The following AKT3 variants were observed in gnomAD, a reference collection of about 807,000 sequenced individuals.
AKT3 encodes the protein AKT serine/threonine kinase 3, also known as RAC-gamma serine/threonine-protein kinase.
A neutral mutation model predicts 65.3 loss-of-function variants in AKT3; 15 were observed. The observed-to-expected ratio is 0.23, with a 90% CI of 0.15 to 0.35. The LOEUF (loss-of-function observed/expected upper bound fraction) is 0.35. Among genes scored for constraint, AKT3 ranks in the 10% least tolerant of loss-of-function variants. The probability of loss-of-function intolerance (pLI) is 1.00; values close to 1 mark genes in which losing one functional copy is unlikely to be tolerated. For missense variants in AKT3, 243 were observed against 576.5 expected (o/e 0.42, Z 5.92); for synonymous variants, 206 against 183.8 (o/e 1.12, Z -0.98).
chr1:243,580,857 C>T (rs766966675), intron 8 of AKT3, among the ~76,000 whole-genome samples: 1 of 152,162 alleles, frequency 6.6e-6, no homozygotes, highest in Non-Finnish European at 1.5e-5. Flanking sequence ...AGCCACCGCA[C>T]TCCTCCTGGA....
At chr1:243,567,487 CTT>C (rs993323556) in intron 9 of AKT3, among the ~76,000 whole-genome samples, 51 of 122,274 alleles carry the variant, frequency 4.2e-4, no homozygotes, top group East Asian at 1.9e-3. Context: ...TTGTTTCTTC[CTT>C]TTTTTTTTTT....
chr1:243,539,551 T>C lies in AKT3; in HGVS notation c.1251+5959A>G, dbSNP rs373746767. ...GGGTCAATGTATAGATTCTTTCAAG[T>C]GTATATAGAACATACAGCAACATAA... is the stretch of plus-strand genomic sequence containing the variant. On this transcript the variant is annotated intron_variant, in intron 12 of 13. Transcript: ENST00000673466. 2.1e-4 allele frequency among the ~76,000 whole-genome samples: 32 copies of C among 152,256 alleles called. No homozygotes were observed. The East Asian group carries it at 6.0e-3, about 28-fold the overall frequency.
At chr1:243,510,781 G>A (rs1222585245) in intron 13 of AKT3, among the ~76,000 whole-genome samples, 3 of 152,250 alleles carry the variant, frequency 2.0e-5, no homozygotes, top group Non-Finnish European at 4.4e-5. Context: ...AGAGTGCAAT[G>A]GGATGGCACC....
intron 2 of AKT3, among the ~76,000 whole-genome samples, chr1:243,776,866 A>G (rs1040315346): frequency 6.6e-6 from 1 of 152,208 alleles, no homozygotes; most frequent in African/African-American, 2.4e-5. Context: ...AGGAATTCGT[A>G]TATCTAATAA....
chr1:243,546,376 A>G (rs2148451249), intron 11 of AKT3, among the ~76,000 whole-genome samples: 1 of 151,440 alleles, frequency 6.6e-6, no homozygotes, highest in East Asian at 1.9e-4. Context: ...TTAATATAGT[A>G]TATATTACTA....
At chr1:243,589,604 C>G (rs1045605759) in intron 8 of AKT3, among the ~76,000 whole-genome samples, 4 of 152,042 alleles carry the variant, frequency 2.6e-5, no homozygotes, top group African/African-American at 9.7e-5. Context: ...TTGGTATAGC[C>G]ATTATGGAAA....
intron 6 of AKT3, among the ~76,000 whole-genome samples, chr1:243,620,662 T>G (rs1209765933): frequency 6.6e-6 from 1 of 152,182 alleles, no homozygotes; most frequent in African/African-American, 2.4e-5. Context: ...GCTGTCAGAC[T>G]GTCTTCTGTT....
chr1:243,489,137 C>T (rs762007090), intron 13 of AKT3: 4 of 1,612,236 alleles, frequency 2.5e-6, no homozygotes, highest in Non-Finnish European at 2.5e-6. Context: ...GGCTGCGGAC[C>T]CAGGTACTGT....
intron 2 of AKT3, among the ~76,000 whole-genome samples, chr1:243,761,871 C>CA (rs1402920623): frequency 6.6e-6 from 1 of 152,126 alleles, no homozygotes; most frequent in South Asian, 2.1e-4. Context: ...CTTACTGAAG[C>CA]AAAAAGGCAC....
chr1:243,672,985 A>G (rs529028175), intron 3 of AKT3, among the ~76,000 whole-genome samples: 2 of 152,358 alleles, frequency 1.3e-5, no homozygotes, highest in East Asian at 1.9e-4. Flanking sequence ...GGCATTTACT[A>G]AAAGAATTAT....
intron 3 of AKT3, among the ~76,000 whole-genome samples, chr1:243,670,951 G>T (rs1683116670): frequency 6.6e-6 from 1 of 151,988 alleles, no homozygotes; most frequent in Non-Finnish European, 1.5e-5. Flanking sequence ...AATTTTTAGA[G>T]ATCATCTGTT....
chr1:243,544,731 TCTCA>T (rs1335789872), intron 12 of AKT3, among the ~76,000 whole-genome samples: 4 of 148,004 alleles, frequency 2.7e-5, no homozygotes, highest in Non-Finnish European at 6.0e-5. Flanking sequence ...AGAGATTGGG[TCTCA>T]CTCTGTCATC....
chr1:243,760,993 A>G (rs1367082498), intron 2 of AKT3, among the ~76,000 whole-genome samples: 1 of 152,200 alleles, frequency 6.6e-6, no homozygotes, highest in African/African-American at 2.4e-5. Context: ...GTGACCAGAG[A>G]CTTGCAAGAA....
chr1:243,762,909 C>T (rs1277630263), intron 2 of AKT3, among the ~76,000 whole-genome samples: 2 of 151,898 alleles, frequency 1.3e-5, no homozygotes, highest in African/African-American at 2.4e-5. Context: ...ATTTTAACAA[C>T]TTATGAAAGC....
At chr1:243,569,921 C>A (rs1473532442) in intron 9 of AKT3, among the ~76,000 whole-genome samples, 1 of 152,158 alleles carries the variant, frequency 6.6e-6, no homozygotes, top group East Asian at 1.9e-4. Context: ...CTGAAGAAGT[C>A]TTTGAAGAGA....
intron 2 of AKT3, among the ~76,000 whole-genome samples, chr1:243,792,762 A>G (rs568037785): frequency 4.6e-5 from 7 of 152,364 alleles, no homozygotes; most frequent in Non-Finnish European, 1.0e-4. Flanking sequence ...CATTCCTAGC[A>G]TACTTTCACT....
chr1:243,676,463 T>A (rs963508203), intron 3 of AKT3, among the ~76,000 whole-genome samples: 3 of 152,222 alleles, frequency 2.0e-5, no homozygotes, highest in Non-Finnish European at 4.4e-5. Context: ...TGACACCTGA[T>A]GTCTGATGAC....
chr1:243,531,631 T>A (rs547143422), intron 12 of AKT3, among the ~76,000 whole-genome samples: 1 of 152,342 alleles, frequency 6.6e-6, no homozygotes, highest in East Asian at 1.9e-4. Context: ...CTTATAAATT[T>A]GAGTTGTTTT....
chr1:243,726,048 GTCTGGAATTTCATACCTCCAACAT>G (rs1687189860), intron 2 of AKT3, among the ~76,000 whole-genome samples: 1 of 86,648 alleles, frequency 1.2e-5, no homozygotes, highest in African/African-American at 5.9e-5. Context: ...CAACATTAAT[GTCTGGAATTTCATACCTCCAACAT>G]TAATGTCTAG....
Sources: gnomAD v4.1 joint callset for allele counts (sites outside exome capture counted in the v4.1 genomes callset) on GRCh38, gnomAD v4.1.1 for gene constraint, MANE v1.5 for transcripts, NCBI Gene and HGNC (gene_info 2026-07-23, HGNC 2026-07-21) for gene names.